The following MGST1 variants were observed in gnomAD, a reference collection of about 807,000 sequenced individuals.
MGST1 encodes the protein microsomal glutathione S-transferase 1.
A neutral mutation model predicts 8.9 loss-of-function variants in MGST1; 5 were observed. That is an observed-to-expected ratio of 0.56 (90% confidence interval 0.29 to 1.19). The LOEUF is 1.19. Ranked by LOEUF, MGST1 falls within the 50% of genes most tolerant of loss-of-function variation. The pLI is 0.08. For missense variants in MGST1, 182 were observed against 187.4 expected (o/e 0.97, Z 0.17); for synonymous variants, 54 against 67.8 (o/e 0.80, Z 1.00).
At chr12:16,360,980 T>TA (rs575833407) in intron 3 of MGST1, among the ~76,000 whole-genome samples, 20 of 144,130 alleles carry the variant, frequency 1.4e-4, no homozygotes, top group Non-Finnish European at 3.0e-4. Context: ...TTTATAGTGT[T>TA]CCCCCCCTCC....
intron 4 of MGST1, among the ~76,000 whole-genome samples, chr12:16,468,401 G>GTT (rs1941269041): frequency 6.6e-6 from 1 of 152,136 alleles, no homozygotes; most frequent in Non-Finnish European, 1.5e-5. Flanking sequence ...GGGTCTCGTT[G>GTT]TTGGATGAAA....
At chr12:16,383,959 T>C (rs1940480893) in intron 1 of MGST1, among the ~76,000 whole-genome samples, 1 of 152,180 alleles carries the variant, frequency 6.6e-6, no homozygotes, top group African/African-American at 2.4e-5. Context: ...GCCCTGAGAC[T>C]TTATTACCAA....
At chr12:16,536,614 G>C (rs1941758328) in intron 4 of MGST1, among the ~76,000 whole-genome samples, 1 of 152,176 alleles carries the variant, frequency 6.6e-6, no homozygotes, top group Admixed American at 6.5e-5. Context: ...GGAGGAAGAA[G>C]AGGTTTAATT....
chr12:16,447,301 G>C (rs1680613640), intron 4 of MGST1, among the ~76,000 whole-genome samples: 1 of 151,824 alleles, frequency 6.6e-6, no homozygotes. Flanking sequence ...AGCTCTTTTG[G>C]GGGTATAGTG....
chr12:16,382,452 G>T (rs1395310588), upstream of MGST1, among the ~76,000 whole-genome samples: 1 of 152,162 alleles, frequency 6.6e-6, no homozygotes, highest in Non-Finnish European at 1.5e-5. Flanking sequence ...GTAGAACAGT[G>T]TGTATTGGTG....
At chr12:16,476,004 T>C (rs1388031977) in intron 4 of MGST1, among the ~76,000 whole-genome samples, 2 of 151,946 alleles carry the variant, frequency 1.3e-5, no homozygotes, top group Non-Finnish European at 2.9e-5. Flanking sequence ...AGGAAGTAGA[T>C]TAGCTTCCTC....
chr12:16,355,720 A>C (rs1036940502), intron 2 of MGST1, among the ~76,000 whole-genome samples: 3 of 152,124 alleles, frequency 2.0e-5, no homozygotes, highest in Non-Finnish European at 4.4e-5. Context: ...CACGCTTTTT[A>C]TGTGTGCTTG....
intron 4 of MGST1, among the ~76,000 whole-genome samples, chr12:16,553,231 G>C (rs1412987424): frequency 2.0e-5 from 3 of 152,064 alleles, no homozygotes; most frequent in Non-Finnish European, 1.5e-5. Context: ...TCAAAGCCCT[G>C]CCCAAGATTC....
At chr12:16,511,529 A>G (rs1231463691) in intron 4 of MGST1, among the ~76,000 whole-genome samples, 2 of 152,132 alleles carry the variant, frequency 1.3e-5, no homozygotes, top group Admixed American at 1.3e-4. Context: ...TTTTCTCTCT[A>G]GTCACAAAGT....
chr12:16,492,349 C>A (rs1303620486), intron 4 of MGST1, among the ~76,000 whole-genome samples: 1 of 152,108 alleles, frequency 6.6e-6, no homozygotes, highest in African/African-American at 2.4e-5. Context: ...ATTACTTCAC[C>A]TAACAGGCTC....
intron 4 of MGST1, among the ~76,000 whole-genome samples, chr12:16,577,639 A>G (rs926182756): frequency 2.6e-5 from 4 of 152,160 alleles, no homozygotes; most frequent in Non-Finnish European, 5.9e-5. Flanking sequence ...AAGAATAATA[A>G]CAAACAAACA....
chr12:16,407,092 G>C (rs1940702588), intron 1 of MGST1, among the ~76,000 whole-genome samples: 1 of 152,188 alleles, frequency 6.6e-6, no homozygotes, highest in Non-Finnish European at 1.5e-5. Flanking sequence ...CTTCTGCACA[G>C]TGAAAGAAAC....
rs1940263630 is a variant in MGST1, at chr12:16,369,936, C to G, written c.222-6186C>G. ...AAGTGCTGGGAAATGGACTCAACCCCCTCAGGGAGATGAACCGCAAAGTCA... is the reference window on the plus strand; with the variant it reads ...AAGTGCTGGGAAATGGACTCAACCCGCTCAGGGAGATGAACCGCAAAGTCA... On this transcript the variant is annotated intron_variant, in intron 3 of 3. Coordinates refer to the MGST1 transcript ENST00000535309. The surrounding 1 kb of genome is among the most constrained non-coding windows in gnomAD (Gnocchi z 4.8). 1 of 152,192 alleles carries G rather than the reference C, an allele frequency of 6.6e-6. No individual in the cohort carries two copies. The highest frequency in any genetic ancestry group is 1.9e-4 in the East Asian group (1 of 5,172). 9.4% of individuals were successfully genotyped at this position (152,192 alleles called of 1,614,324 possible). A position where few individuals can be genotyped will look rare whatever the true frequency, so the allele number is the denominator to read the frequency against.
chr12:16,399,352 A>G (rs1940633057), intron 1 of MGST1: 2 of 1,553,362 alleles, frequency 1.3e-6, no homozygotes, highest in East Asian at 2.2e-5. Context: ...CCATGGCCCA[A>G]ACTGTGCACA....
intron 1 of MGST1, among the ~76,000 whole-genome samples, chr12:16,425,523 G>T (rs1324269806): frequency 6.6e-6 from 1 of 152,158 alleles, no homozygotes; most frequent in Non-Finnish European, 1.5e-5. Flanking sequence ...AACTCAAAGT[G>T]ATCTGCCTTC....
chr12:16,484,626 G>A (rs140764104), intron 4 of MGST1, among the ~76,000 whole-genome samples: 1 of 152,208 alleles, frequency 6.6e-6, no homozygotes, highest in East Asian at 1.9e-4. Flanking sequence ...TTATATGGCT[G>A]GAGCAGGAGG....
intron 4 of MGST1, among the ~76,000 whole-genome samples, chr12:16,457,546 A>T (rs567964400): frequency 1.3e-5 from 2 of 151,896 alleles, no homozygotes; most frequent in Non-Finnish European, 2.9e-5. Context: ...TGTGTGTGTG[A>T]GTGTAATACA....
intron 1 of MGST1, chr12:16,399,776 C>A: frequency 8.5e-7 from 1 of 1,179,894 alleles, no homozygotes; most frequent in Non-Finnish European, 1.3e-6. Context: ...AGGAATTCAA[C>A]CATTCCTTGA....
intron 1 of MGST1, among the ~76,000 whole-genome samples, chr12:16,415,167 A>T (rs7964142): frequency 0.55 from 83,860 of 152,068 alleles, 24,672 homozygotes; most frequent in East Asian, 0.87. Context: ...ATGGTCAGAT[A>T]AGATGTCTTA....
Sources: allele counts gnomAD v4.1 joint callset (sites outside exome capture counted in the v4.1 genomes callset), GRCh38; gene constraint gnomAD v4.1.1; non-coding constraint Gnocchi (gnomAD v3.1); transcripts MANE v1.5; gene names NCBI Gene and HGNC (gene_info 2026-07-23, HGNC 2026-07-21).